POU6F2: variants seen among roughly 807,000 people sequenced by gnomAD.
POU6F2 encodes POU class 6 homeobox 2.
POU6F2 carries 31 observed loss-of-function variants against 71.3 expected under a neutral mutation model. The observed-to-expected ratio is 0.43, with a 90% CI of 0.33 to 0.59. The LOEUF (loss-of-function observed/expected upper bound fraction) is 0.59. Among genes scored for constraint, POU6F2 ranks in the 20% least tolerant of loss-of-function variants. POU6F2 has a pLI of 0.04. For missense variants in POU6F2, 783 were observed against 856.8 expected, an observed-to-expected ratio of 0.91 and a Z score of 1.07; for synonymous variants, 347 against 355.7, an observed-to-expected ratio of 0.98 and a Z score of 0.27.
chr7:39,004,281 A>T (rs560160862), intron 1 of POU6F2, among the ~76,000 whole-genome samples: 1 of 152,248 alleles, frequency 6.6e-6, no homozygotes, highest in Admixed American at 6.5e-5. Context: ...GAGTTGGATT[A>T]TAAAAGTAGC....
chr7:39,145,147 A>G (rs1295835517), intron 2 of POU6F2, among the ~76,000 whole-genome samples: 2 of 152,132 alleles, frequency 1.3e-5, no homozygotes, highest in Admixed American at 6.5e-5. Context: ...ATTTTTTGCC[A>G]CTCTAGAGTA....
chr7:39,144,347 A>G (rs1233950600), intron 2 of POU6F2, among the ~76,000 whole-genome samples: 1 of 152,238 alleles, frequency 6.6e-6, no homozygotes, highest in African/African-American at 2.4e-5. Context: ...CTGAAGAACT[A>G]TGGATAAACC....
chr7:39,373,455 A>C, intron 5 of POU6F2: 1 of 456,706 alleles, frequency 2.2e-6, no homozygotes, highest in East Asian at 6.9e-5. Flanking sequence ...TCAAAATCAT[A>C]AATGTTTCTT....
chr7:39,390,850 T>TG (rs931096994), intron 5 of POU6F2, among the ~76,000 whole-genome samples: 20 of 151,248 alleles, frequency 1.3e-4, no homozygotes, highest in African/African-American at 2.2e-4. Flanking sequence ...TTTTGTTTTT[T>TG]GGTTTTTTTT....
chr7:39,044,864 G>T (rs10085668), intron 1 of POU6F2, among the ~76,000 whole-genome samples: 10,947 of 151,932 alleles, frequency 0.072, 529 homozygotes, highest in African/African-American at 0.13. Flanking sequence ...GATTGGCTTA[G>T]CTGGGAAACA....
chr7:39,255,953 C>T (rs1406593031), intron 4 of POU6F2, among the ~76,000 whole-genome samples: 1 of 152,122 alleles, frequency 6.6e-6, no homozygotes, highest in African/African-American at 2.4e-5. Flanking sequence ...ATAGATTGCT[C>T]CACACAGAAG....
At position 39,464,444 on chromosome 7, in the gene POU6F2, A is replaced by G; in HGVS notation, c.1921A>G (p.Thr641Ala). The change falls in exon 10 of 10, where the codon ACC becomes GCC. Residue 641 changes from threonine to alanine, a missense_variant. Around this residue, in one of 2 missense-constraint regions of POU6F2, gnomAD observed 211 missense variants for 283.9 expected, o/e 0.74. Coordinates refer to ENST00000518318, the MANE Select transcript of POU6F2 (RefSeq NM_001370959.1). The surrounding 1 kb of genome is among the most constrained non-coding windows in gnomAD (Gnocchi z 4.1). ...SEPSKKRKRRTSFTPQALEIL... is the reference protein window; with the variant it reads ...SEPSKKRKRRASFTPQALEIL... Reference sequence around the variant, plus strand: ...ACCATCCAAAAAGCGCAAGCGGCGCACCTCCTTCACACCCCAGGCCCTTGA... The same window carrying G: ...ACCATCCAAAAAGCGCAAGCGGCGCGCCTCCTTCACACCCCAGGCCCTTGA... 6.2e-7 allele frequency: 1 copy of G among 1,613,924 alleles called. No individual in the cohort carries two copies. Among genetic ancestry groups the G allele is most frequent in the Non-Finnish European group, 8.5e-7 (1 of 1,179,870 alleles).
intron 8 of POU6F2, among the ~76,000 whole-genome samples, chr7:39,454,171 G>A (rs1788729272): frequency 6.6e-6 from 1 of 152,128 alleles, no homozygotes; most frequent in Non-Finnish European, 1.5e-5. Flanking sequence ...AGATGAAGAG[G>A]TACGCAGGGC....
At chr7:39,340,965 G>T (rs761908283) in intron 5 of POU6F2, among the ~76,000 whole-genome samples, 2 of 152,088 alleles carry the variant, frequency 1.3e-5, no homozygotes, top group Non-Finnish European at 2.9e-5. Flanking sequence ...TTGTAGTACT[G>T]TGACAAAGTT....
intron 7 of POU6F2, among the ~76,000 whole-genome samples, chr7:39,436,164 T>G (rs932348586): frequency 6.6e-6 from 1 of 152,216 alleles, no homozygotes; most frequent in African/African-American, 2.4e-5. Context: ...GTGAAGAATG[T>G]CAGTGGTAGT....
At chr7:39,291,675 AG>A (rs1298954342) in intron 4 of POU6F2, among the ~76,000 whole-genome samples, 1 of 152,216 alleles carries the variant, frequency 6.6e-6, no homozygotes, top group Non-Finnish European at 1.5e-5. Flanking sequence ...CACATGAAGA[AG>A]AACCTCAGAA....
intron 8 of POU6F2, among the ~76,000 whole-genome samples, chr7:39,453,980 GC>G (rs528302425): frequency 1.4e-4 from 21 of 152,148 alleles, no homozygotes; most frequent in Non-Finnish European, 2.6e-4. Context: ...GACTTGAGTT[GC>G]CACAAATTTT....
chr7:39,105,224 G>T (rs1343043579), intron 2 of POU6F2, among the ~76,000 whole-genome samples: 7 of 152,080 alleles, frequency 4.6e-5, no homozygotes, highest in African/African-American at 1.7e-4. Context: ...GGTAATAACA[G>T]ACAGAAATTT....
At chr7:39,082,929 G>A (rs1245075474) in intron 1 of POU6F2, among the ~76,000 whole-genome samples, 1 of 151,896 alleles carries the variant, frequency 6.6e-6, no homozygotes, top group African/African-American at 2.4e-5. Context: ...ACAAACTCTT[G>A]GATTTTCAAA....
intron 1 of POU6F2, among the ~76,000 whole-genome samples, chr7:39,028,720 G>A (rs1789872469): frequency 6.6e-6 from 1 of 151,940 alleles, no homozygotes; most frequent in Non-Finnish European, 1.5e-5. Context: ...TTCCAAAATA[G>A]TTTATACATA....
intron 5 of POU6F2, among the ~76,000 whole-genome samples, chr7:39,356,780 A>G (rs1057423289): frequency 3.3e-5 from 5 of 152,218 alleles, no homozygotes; most frequent in African/African-American, 1.2e-4. Flanking sequence ...TTGGCACATC[A>G]TAAGAACTAT....
At chr7:39,143,297 C>T (rs1222509028) in intron 2 of POU6F2, among the ~76,000 whole-genome samples, 1 of 152,036 alleles carries the variant, frequency 6.6e-6, no homozygotes, top group African/African-American at 2.4e-5. Context: ...TCTTTGTGGG[C>T]AAGGCAAGAA....
chr7:39,369,707 G>A (rs1263869053), intron 5 of POU6F2, among the ~76,000 whole-genome samples: 1 of 151,946 alleles, frequency 6.6e-6, no homozygotes, highest in African/African-American at 2.4e-5. Flanking sequence ...TTTCAGAGAT[G>A]TGGTCTTGCT....
chr7:39,047,867 C>G (rs1359391174), intron 1 of POU6F2, among the ~76,000 whole-genome samples: 1 of 151,854 alleles, frequency 6.6e-6, no homozygotes, highest in Admixed American at 6.6e-5. Context: ...AGGTAAATCC[C>G]ACTTGGTTGT....
Sources: allele counts gnomAD v4.1 joint callset (sites outside exome capture counted in the v4.1 genomes callset), GRCh38; gene constraint gnomAD v4.1.1; regional missense constraint gnomAD v4.1.1; non-coding constraint Gnocchi (gnomAD v3.1); transcripts MANE v1.5; gene names NCBI Gene and HGNC (gene_info 2026-07-23, HGNC 2026-07-21).